TEX11: variants seen among roughly 807,000 people sequenced by gnomAD.
TEX11 encodes the protein testis-expressed protein 11.
In TEX11, 7 loss-of-function variants were observed where a neutral mutation model predicts 84.4. The observed-to-expected ratio is 0.08, with a 90% CI of 0.05 to 0.16. TEX11 has a LOEUF of 0.16. Among genes scored for constraint, TEX11 ranks in the 10% least tolerant of loss-of-function variants. The pLI is 1.00. For synonymous variants in TEX11, 264 were observed against 222.8 expected (o/e 1.18, Z -1.64); for missense variants, 551 against 660.5 (o/e 0.83, Z 1.82).
In TEX11 at chrX:70,879,992, A is replaced by T; in HGVS notation, c.155T>A (p.Ile52Asn). Residue 52 changes from isoleucine to asparagine, a missense_variant, in exon 3 of 30, where the codon ATT becomes AAT. By Grantham distance (149) the Ile-to-Asn change is moderately radical. Coordinates refer to ENST00000374333, the MANE Select transcript of TEX11 (RefSeq NM_031276.3). ...CAGAATTATTTTTATACTAACCTGAATGTCTGTTATTTCAGCCATAGACTC... is the reference window on the plus strand; with the variant it reads ...CAGAATTATTTTTATACTAACCTGATTGTCTGTTATTTCAGCCATAGACTC... ...NRESMAEITD[I>N]QIEEMAVNLW... The T allele has an allele frequency of 1.2e-5, 14 of 1,181,038 alleles. No homozygotes were observed. Among genetic ancestry groups the T allele is most frequent in the Non-Finnish European group, 1.6e-5 (14 of 878,991 alleles).
chrX:70,839,515 G>A (rs2091428383), intron 7 of TEX11, among the ~76,000 whole-genome samples: 1 of 111,398 alleles, frequency 9.0e-6, no homozygotes, highest in East Asian at 2.8e-4. Flanking sequence ...AAGAACAAAG[G>A]TAGATAAAAC....
chrX:70,889,844 C>T (rs1271822830), intron 2 of TEX11, among the ~76,000 whole-genome samples: 1 of 111,352 alleles, frequency 9.0e-6, no homozygotes, highest in Non-Finnish European at 1.9e-5. Flanking sequence ...AGAAAATCAC[C>T]TTCACTGAAG....
rs144928996 is a variant in TEX11 at position 70,567,381 on chromosome X, G to A, written c.2141-12581C>T. ...CTCCTGGATTCATGAATTTTTTGAAGGGGTTTTTGCGTCTCTATTTCCTTC... is the reference window on the plus strand; with the variant it reads ...CTCCTGGATTCATGAATTTTTTGAAAGGGTTTTTGCGTCTCTATTTCCTTC... On this transcript the variant is annotated intron_variant, in intron 25 of 29. Transcript: ENST00000374333. Among the ~76,000 whole-genome samples, 869 of 111,384 alleles carry A rather than the reference G, an allele frequency of 7.8e-3. 5 individuals are homozygous for A. Among genetic ancestry groups the A allele is most frequent in the Non-Finnish European group, 0.012 (650 of 53,098 alleles).
At chrX:70,562,669 T>C (rs757330017) in intron 25 of TEX11, among the ~76,000 whole-genome samples, 1 of 112,429 alleles carries the variant, frequency 8.9e-6, no homozygotes, top group Non-Finnish European at 1.9e-5. Flanking sequence ...TCCTGATTGA[T>C]TTATTTTAAA....
At chrX:70,723,950 G>T (rs886376166) in intron 12 of TEX11, 6 of 299,932 alleles carry the variant, frequency 2.0e-5, no homozygotes, top group Non-Finnish European at 2.7e-5. Context: ...TTGGATTTGG[G>T]TTAGCCTCCT....
intron 22 of TEX11, 123 bp downstream of exon 22, chrX:70,608,968 A>G: frequency 1.9e-6 from 1 of 520,611 alleles, no homozygotes. Flanking sequence ...ATAAGTAATA[A>G]AACAGATTAA....
chrX:70,897,178 G>A (rs768435049), intron 2 of TEX11, among the ~76,000 whole-genome samples: 466 of 25,341 alleles, frequency 0.018, no homozygotes, highest in Middle Eastern at 0.15. Context: ...TTATATATAT[G>A]TTATATATAA....
chrX:70,539,038 A>ATATATATATATATATATATATATTTTTT, intron 28 of TEX11, among the ~76,000 whole-genome samples: 1 of 41,245 alleles, frequency 2.4e-5, no homozygotes, highest in South Asian at 2.6e-3. Context: ...ATATATATAT[A>ATATATATATATATATATATATATTTTTT]TTTTTTTTTT....
At chrX:70,677,670 G>A (rs1032350789) in intron 15 of TEX11, among the ~76,000 whole-genome samples, 1 of 110,781 alleles carries the variant, frequency 9.0e-6, no homozygotes, top group Admixed American at 9.7e-5. Context: ...GGCTGCCTTG[G>A]TCTCCTCAGA....
intron 9 of TEX11, among the ~76,000 whole-genome samples, chrX:70,764,361 C>T (rs73220900): frequency 0.019 from 2,100 of 111,157 alleles, 20 homozygotes; most frequent in Non-Finnish European, 0.029. Context: ...CTATAACTCC[C>T]TACATCAAAA....
chrX:70,775,035 G>A (rs1415704727), intron 9 of TEX11, among the ~76,000 whole-genome samples: 1 of 111,510 alleles, frequency 9.0e-6, no homozygotes. Context: ...AGATAATCCA[G>A]AAATAACTCC....
At chrX:70,861,504 G>A (rs1212481048) in intron 4 of TEX11, among the ~76,000 whole-genome samples, 3 of 109,380 alleles carry the variant, frequency 2.7e-5, no homozygotes, top group Admixed American at 2.0e-4. Context: ...TCACTCTGTC[G>A]CCCAGGATGG....
At chrX:70,765,177 G>T (rs921558139) in intron 9 of TEX11, among the ~76,000 whole-genome samples, 1 of 111,686 alleles carries the variant, frequency 9.0e-6, no homozygotes, top group African/African-American at 3.3e-5. Context: ...CTTAAGGCCA[G>T]GAGTTCGAGA....
intron 22 of TEX11, among the ~76,000 whole-genome samples, chrX:70,608,480 G>A (rs956181621): frequency 2.7e-5 from 3 of 111,853 alleles, no homozygotes; most frequent in Admixed American, 1.9e-4. Context: ...GGTGGCTTAC[G>A]CCTGTAATCC....
At chrX:70,710,544 ATT>A (rs79913206) in intron 13 of TEX11, among the ~76,000 whole-genome samples, 11 of 98,259 alleles carry the variant, frequency 1.1e-4, no homozygotes, top group East Asian at 3.2e-4. Flanking sequence ...AAAAGTTCTC[ATT>A]TTTTTTTTTT....
intron 14 of TEX11, among the ~76,000 whole-genome samples, chrX:70,680,711 T>C (rs1005387855): frequency 6.3e-5 from 7 of 111,864 alleles, no homozygotes; most frequent in African/African-American, 1.9e-4. Flanking sequence ...CAATTTTAGG[T>C]TTACTACCAT....
intron 15 of TEX11, among the ~76,000 whole-genome samples, chrX:70,678,459 T>C (rs374046438): frequency 3.2e-4 from 5 of 15,865 alleles, no homozygotes; most frequent in African/African-American, 8.1e-4. Flanking sequence ...AGTTGTCTTG[T>C]AAAGGTTTTT....
At chrX:70,774,147 C>T (rs1267593717) in intron 9 of TEX11, among the ~76,000 whole-genome samples, 7 of 110,277 alleles carry the variant, frequency 6.3e-5, no homozygotes, top group African/African-American at 1.7e-4. Context: ...CAGCCCACAA[C>T]AGACTGCGCA....
chrX:70,608,104 G>A (rs1569354224), intron 22 of TEX11, among the ~76,000 whole-genome samples: 1 of 111,604 alleles, frequency 9.0e-6, no homozygotes, highest in Non-Finnish European at 1.9e-5. Context: ...TTGAAATAGA[G>A]CCATTATAAA....
Sources: allele counts gnomAD v4.1 joint callset (sites outside exome capture counted in the v4.1 genomes callset), GRCh38; gene constraint gnomAD v4.1.1; transcripts MANE v1.5; gene names NCBI Gene and HGNC (gene_info 2026-07-23, HGNC 2026-07-21).